GID8: variants seen among roughly 807,000 people sequenced by gnomAD.
The protein encoded by GID8 is glucose-induced degradation protein 8 homolog.
GID8 carries 6 observed loss-of-function variants against 27.4 expected under a neutral mutation model. The observed-to-expected ratio is 0.22, with a 90% CI of 0.12 to 0.43. The LOEUF (loss-of-function observed/expected upper bound fraction) is 0.43. Among genes scored for constraint, GID8 ranks in the 20% least tolerant of loss-of-function variants. The probability of loss-of-function intolerance (pLI) is 1.00; values close to 1 mark genes in which losing one functional copy is unlikely to be tolerated. For synonymous variants in GID8, 112 were observed against 109.0 expected (o/e 1.03, Z -0.17); for missense variants, 173 against 287.6 (o/e 0.60, Z 2.88).
In GID8 at chr20:62,945,850, G is replaced by A. The variant is rs1043840337; in HGVS notation, c.*938G>A. On this transcript the variant is annotated 3_prime_UTR_variant, in exon 5 of 5. Coordinates refer to ENST00000266069, the MANE Select transcript of GID8 (RefSeq NM_017896.3). Reference sequence around the variant, plus strand: ...CAGCAGGTGGTGCACGACTGTTGGCGGAAGGAACGCGTGTTCATCCTCAGT... The same window carrying A: ...CAGCAGGTGGTGCACGACTGTTGGCAGAAGGAACGCGTGTTCATCCTCAGT... 3.4e-5 allele frequency: 44 copies of A among 1,289,658 alleles called. No individual in the cohort carries two copies. The Admixed American group carries it at 3.7e-4, about 11-fold the overall frequency. 79.9% of individuals were successfully genotyped at this position (1,289,658 alleles called of 1,614,324 possible).
chr20:62,943,041 G>A lies in GID8; in HGVS notation c.173G>A (p.Ser58Asn), dbSNP rs760858651. Residue 58 changes from serine (S) to asparagine (N), a missense_variant, in exon 3 of 5, where the codon AGT (serine) becomes AAT (asparagine). Transcript: ENST00000266069. This position sits in a 1 kb window ranked among gnomAD's most constrained non-coding sequence, Gnocchi z 4.7. Reference sequence around the variant, plus strand: ...CGAATGGAATCTGGAATCGAACCTAGTGTGGATCTGGAAACACTTGATGAA... The same window carrying A: ...CGAATGGAATCTGGAATCGAACCTAATGTGGATCTGGAAACACTTGATGAA... ...KFRMESGIEPSVDLETLDERI... is the reference protein window; with the variant it reads ...KFRMESGIEPNVDLETLDERI... 1 of 1,614,008 alleles carries A rather than the reference G, an allele frequency of 6.2e-7. No homozygotes were observed. Among genetic ancestry groups the A allele is most frequent in the Non-Finnish European group, 8.5e-7 (1 of 1,179,954 alleles).
intron 1 of GID8, 52 bp from the exon 2 acceptor site, chr20:62,941,438 GC>G: frequency 1.0e-6 from 1 of 962,942 alleles, no homozygotes; most frequent in Non-Finnish European, 1.7e-6. Flanking sequence ...GCTGCCCTCT[GC>G]CCTTGGAGGA....
Position 62,947,007 on chromosome 20 carries a change from A to G in GID8, c.*2095A>G, listed in dbSNP as rs2065469342. ...CTCTCCACAAACTAGGGGAACACAAATGGGGTCATTCACGTGCCTGGACTG... is the reference window on the plus strand; with the variant it reads ...CTCTCCACAAACTAGGGGAACACAAGTGGGGTCATTCACGTGCCTGGACTG... On this transcript the variant is annotated 3_prime_UTR_variant, in exon 5 of 5. Coordinates refer to ENST00000266069, the MANE Select transcript of GID8 (RefSeq NM_017896.3). The G allele has an allele frequency of 6.6e-6, 1 of 152,244 alleles. No homozygotes were observed. The highest frequency in any genetic ancestry group is 2.1e-4 in the South Asian group (1 of 4,838). 9.4% of individuals were successfully genotyped at this position (152,244 alleles called of 1,614,324 possible).
At chr20:62,938,433 G>A (rs1433118117) in intron 1 of GID8, among the ~76,000 whole-genome samples, 180 bp downstream of exon 1, 1 of 152,044 alleles carries the variant, frequency 6.6e-6, no homozygotes, top group African/African-American at 2.4e-5. Flanking sequence ...CGGCCGCCCC[G>A]CGCCGGTGCC....
chr20:62,941,470 G>T (rs766511223), intron 1 of GID8, 21 bp from the exon 2 acceptor site: 3 of 1,353,698 alleles, frequency 2.2e-6, no homozygotes, highest in Non-Finnish European at 3.2e-6. Context: ...CCCTCCCTCA[G>T]CTGTTATTTT....
Position 62,944,951 on chromosome 20 carries a change from G to A in GID8, c.*39G>A, listed in dbSNP as rs374031120. 5.2e-5 allele frequency: 82 copies of A among 1,574,994 alleles called. No individual in the cohort carries two copies. The highest frequency in any genetic ancestry group is 3.5e-4 in the Middle Eastern group (2 of 5,706). ...GTGGTGGATCCAACACCAGCCCTGC[G>A]TCGTGGGACTTGCCTCAGATCAGCC... On this transcript the variant is annotated 3_prime_UTR_variant, in exon 5 of 5. Coordinates refer to ENST00000266069, the MANE Select transcript of GID8 (RefSeq NM_017896.3).
At chr20:62,939,622 G>C (rs1013038671) in intron 1 of GID8, among the ~76,000 whole-genome samples, 3 of 152,030 alleles carry the variant, frequency 2.0e-5, no homozygotes, top group African/African-American at 4.8e-5. Flanking sequence ...TGAAACCTGT[G>C]ACCATCTTCT....
At position 62,943,264 on chromosome 20, in the gene GID8, C is replaced by A; in HGVS notation, c.315+81C>A. ...TTGCAATGATTGAGAAATAACTAGGCTAATTTGCTTTAATAATGTTATTTC... is the reference window on the plus strand; with the variant it reads ...TTGCAATGATTGAGAAATAACTAGGATAATTTGCTTTAATAATGTTATTTC... On this transcript the variant is annotated intron_variant, in intron 3 of 4. Transcript: ENST00000266069. This position sits in a 1 kb window ranked among gnomAD's most constrained non-coding sequence, Gnocchi z 4.7. 3 of 1,167,124 alleles carry A rather than the reference C, an allele frequency of 2.6e-6. No individual in the cohort carries two copies. The highest frequency in any genetic ancestry group is 3.7e-6 in the Non-Finnish European group (3 of 806,214). 72.3% of individuals were successfully genotyped at this position (1,167,124 alleles called of 1,614,324 possible). A position where few individuals can be genotyped will look rare whatever the true frequency, so the allele number is the denominator to read the frequency against.
intron 1 of GID8, among the ~76,000 whole-genome samples, chr20:62,940,260 C>T (rs2065436805): frequency 6.7e-6 from 1 of 150,252 alleles, no homozygotes; most frequent in Non-Finnish European, 1.5e-5. Context: ...TCTCGGCTCA[C>T]TAGAAGCTCC....
In GID8 at chr20:62,945,831, G is replaced by A; in HGVS notation, c.*919G>A. ...CGGTGGGGACGCAGAGCCCCAGCAG[G>A]TGGTGCACGACTGTTGGCGGAAGGA... is the stretch of plus-strand genomic sequence containing the variant. On this transcript the variant is annotated 3_prime_UTR_variant, in exon 5 of 5. Transcript: ENST00000266069. 7.8e-7 allele frequency: 1 copy of A among 1,289,472 alleles called. No individual in the cohort carries two copies. Among genetic ancestry groups the A allele is most frequent in the Non-Finnish European group, 1.0e-6 (1 of 988,606 alleles). 79.9% of individuals were successfully genotyped at this position (1,289,472 alleles called of 1,614,324 possible). A position where few individuals can be genotyped will look rare whatever the true frequency, so the allele number is the denominator to read the frequency against.
chr20:62,941,754 TGGTAAGTTTGGAAG>T, intron 2 of GID8, 134 bp downstream of exon 2: 1 of 653,744 alleles, frequency 1.5e-6, no homozygotes. Flanking sequence ...AATGCTAACC[TGGTAAGTTTGGAAG>T]TTATCATGTG....
intron 4 of GID8, among the ~76,000 whole-genome samples, chr20:62,944,519 C>T (rs2065457096): frequency 1.3e-5 from 2 of 152,182 alleles, no homozygotes; most frequent in Non-Finnish European, 2.9e-5. Context: ...CCCCTCAGCA[C>T]TTTGTTCAAG....
chr20:62,945,524 A>T lies in GID8; in HGVS notation c.*612A>T. The T allele has an allele frequency of 2.9e-6, 3 of 1,040,814 alleles. No individual in the cohort carries two copies. The highest frequency in any genetic ancestry group is 3.5e-6 in the Non-Finnish European group (3 of 861,844). 64.5% of individuals were successfully genotyped at this position (1,040,814 alleles called of 1,614,324 possible). A position where few individuals can be genotyped will look rare whatever the true frequency, so the allele number is the denominator to read the frequency against. ...GGGGCTATGTGTTTTTTAATTTTTTAAATATATATTTTGGTGCTGTGTGTG... is the reference window on the plus strand; with the variant it reads ...GGGGCTATGTGTTTTTTAATTTTTTTAATATATATTTTGGTGCTGTGTGTG... On this transcript the variant is annotated 3_prime_UTR_variant, in exon 5 of 5. Coordinates refer to ENST00000266069, the MANE Select transcript of GID8 (RefSeq NM_017896.3).
In GID8 at chr20:62,943,803, C is replaced by A; in HGVS notation, c.513+111C>A. 1.3e-5 allele frequency: 10 copies of A among 741,394 alleles called. No individual in the cohort carries two copies. The highest frequency in any genetic ancestry group is 6.6e-5 in the South Asian group (4 of 60,690). The allele number at this position is 741,394 out of a possible 1,614,324, so 45.9% of individuals were successfully genotyped here. On this transcript the variant is annotated intron_variant, in intron 4 of 4. Transcript: ENST00000266069. This position sits in a 1 kb window ranked among gnomAD's most constrained non-coding sequence, Gnocchi z 4.7. ...GTGTGGACTGAGAGACAGGTGGCTT[C>A]TGTGCCTGGGATGCTAAGTGGTTCC...
intron 1 of GID8, among the ~76,000 whole-genome samples, chr20:62,941,085 G>C (rs928759169): frequency 9.2e-5 from 14 of 152,254 alleles, no homozygotes; most frequent in Admixed American, 4.6e-4. Flanking sequence ...CGCTGCTGTT[G>C]AATGAACGCT....
At chr20:62,938,466 C>T (rs1163247304) in intron 1 of GID8, 2 of 152,098 alleles carry the variant, frequency 1.3e-5, no homozygotes, top group East Asian at 1.9e-4. Context: ...AGGGCTCAGC[C>T]TCCAGGCGCG....
rs971094233 is a variant in GID8, at chr20:62,943,765, G to A, written c.513+73G>A. 23 of 1,175,784 alleles carry A rather than the reference G, an allele frequency of 2.0e-5. No homozygotes were observed. The highest frequency in any genetic ancestry group is 2.6e-5 in the Non-Finnish European group (21 of 797,766). The allele number at this position is 1,175,784 out of a possible 1,614,324, so 72.8% of individuals were successfully genotyped here. ...AGGGGGCTTCGTGACAACGCCAAGT[G>A]TGTGGCTTTGCTGTGTGGACTGAGA... is the stretch of plus-strand genomic sequence containing the variant. On this transcript the variant is annotated intron_variant, in intron 4 of 4. Coordinates refer to ENST00000266069, the MANE Select transcript of GID8 (RefSeq NM_017896.3). This position sits in a 1 kb window ranked among gnomAD's most constrained non-coding sequence, Gnocchi z 4.7.
At chr20:62,942,460 T>C (rs529773714) in intron 2 of GID8, among the ~76,000 whole-genome samples, 1 of 152,034 alleles carries the variant, frequency 6.6e-6, no homozygotes, top group Non-Finnish European at 1.5e-5. Flanking sequence ...TCAAAAAAAA[T>C]ATTTTTGGAA....
chr20:62,941,427 C>T (rs1200255342), intron 1 of GID8, 64 bp from the exon 2 acceptor site: 15 of 867,234 alleles, frequency 1.7e-5, no homozygotes, highest in East Asian at 5.0e-5. Context: ...GCTCTTCCAG[C>T]GCTGCCCTCT....
Sources: gnomAD v4.1 joint callset for allele counts (sites outside exome capture counted in the v4.1 genomes callset) on GRCh38, gnomAD v4.1.1 for gene constraint, Gnocchi (gnomAD v3.1) non-coding constraint, MANE v1.5 for transcripts, NCBI Gene and HGNC (gene_info 2026-07-23, HGNC 2026-07-21) for gene names.